The following CACNA1E variants were observed in gnomAD, a reference collection of about 807,000 sequenced individuals.
CACNA1E encodes calcium voltage-gated channel subunit alpha1 E, also known as voltage-dependent R-type calcium channel subunit alpha-1E.
Under a neutral mutation model 259.2 loss-of-function variants are expected in CACNA1E, and 40 were observed. That is an observed-to-expected ratio of 0.15 (90% CI 0.12 to 0.20). The LOEUF (loss-of-function observed/expected upper bound fraction) is 0.20, where lower values mean the gene tolerates loss of function less well. CACNA1E is among the 10% of genes least tolerant of loss of function. CACNA1E has a pLI of 1.00. For missense variants in CACNA1E, 1,874 were observed against 3,040.1 expected (o/e 0.62, Z 9.02); for synonymous variants, 1,104 against 1,138.5 (o/e 0.97, Z 0.61).
intron 37 of CACNA1E, among the ~76,000 whole-genome samples, chr1:181,775,279 C>A (rs547595777): frequency 6.6e-6 from 1 of 152,112 alleles, no homozygotes; most frequent in Admixed American, 6.5e-5. Context: ...CAGCCAAGAA[C>A]CTGGGCCAGA....
intron 2 of CACNA1E, among the ~76,000 whole-genome samples, chr1:181,416,408 C>T (rs1457895060): frequency 2.0e-5 from 3 of 152,232 alleles, no homozygotes; most frequent in Non-Finnish European, 2.9e-5. Context: ...GGCACAGTTT[C>T]AGCTTCAGCT....
intron 7 of CACNA1E, among the ~76,000 whole-genome samples, chr1:181,666,766 A>G (rs1648276861): frequency 6.6e-6 from 1 of 152,008 alleles, no homozygotes; most frequent in Non-Finnish European, 1.5e-5. Context: ...GTGTATATAT[A>G]TGAATTTACA....
chr1:181,618,124 G>T (rs1655394049), intron 6 of CACNA1E, among the ~76,000 whole-genome samples: 1 of 152,144 alleles, frequency 6.6e-6, no homozygotes, highest in Non-Finnish European at 1.5e-5. Context: ...ACTATGAATT[G>T]GCTGTATGTC....
rs752090024 is a variant in CACNA1E, at chr1:181,750,478, A to G, written c.3722A>G (p.Asn1241Ser). The G allele has an allele frequency of 6.2e-7, 1 of 1,613,324 alleles. No individual in the cohort carries two copies. The highest frequency in any genetic ancestry group is 8.5e-7 in the Non-Finnish European group (1 of 1,179,458). Reference protein sequence around the residue: ...VGALVAFALANALGTNKGRDI... With the variant: ...VGALVAFALASALGTNKGRDI... Reference sequence around the variant, plus strand: ...CTCTCTGATTGGATCCTCCATAGGAACGCTTTGGGGTAAATATGTTCGATT... The same window carrying G: ...CTCTCTGATTGGATCCTCCATAGGAGCGCTTTGGGGTAAATATGTTCGATT... The change falls in exon 26 of 48, where the codon AAC (asparagine) becomes AGC (serine). Residue 1241 changes from asparagine (N) to serine (S), a missense_variant and splice_region_variant. By Grantham distance (46) the Asn-to-Ser change is conservative. Around this residue, in one of 14 missense-constraint regions of CACNA1E, gnomAD observed 188 missense variants for 540.6 expected, o/e 0.35. Coordinates refer to ENST00000367573, the MANE Select transcript of CACNA1E (RefSeq NM_001205293.3).
At position 181,505,651 on chromosome 1, in the gene CACNA1E, G is replaced by A. The variant is rs545085342; in HGVS notation, c.267-4826G>A. ...GGCTTCTGAAAGTGCTGGGATTACA[G>A]GCGTGAGCCACCGCACCTGGCCTTC... On this transcript the variant is annotated intron_variant, in intron 1 of 47. Coordinates refer to ENST00000367573, the MANE Select transcript of CACNA1E (RefSeq NM_001205293.3). Among the ~76,000 whole-genome samples the A allele has an allele frequency of 4.6e-5, 7 of 152,080 alleles. No homozygotes were observed. In the East Asian group the frequency reaches 9.7e-4, roughly 21 times the overall value.
intron 2 of CACNA1E, among the ~76,000 whole-genome samples, chr1:181,428,340 G>T (rs1157672550): frequency 1.3e-5 from 2 of 152,174 alleles, no homozygotes; most frequent in Non-Finnish European, 2.9e-5. Flanking sequence ...CCCTCTCAAG[G>T]TCCTAATTAG....
chr1:181,785,677 G>A, intron 42 of CACNA1E, 36 bp from the exon 43 acceptor site: 2 of 1,384,034 alleles, frequency 1.4e-6, no homozygotes, highest in South Asian at 1.2e-5. Context: ...CGTAGTCATT[G>A]GAATTCTTTC....
In CACNA1E at chr1:181,663,258, AAC is replaced by A. The variant is rs1396983919; in HGVS notation, c.1055+11819_1055+11820del. Among the ~76,000 whole-genome samples, 5 of 152,184 alleles carry A rather than the reference AAC, an allele frequency of 3.3e-5. No individual in the cohort carries two copies. In the East Asian group the frequency reaches 9.6e-4, roughly 29 times the overall value. ...ATACATTATTTCAATTAATTTTTGTAACAGCCTTATGAGGCAGGTACTGCTGT... is the reference window on the plus strand; with the variant it reads ...ATACATTATTTCAATTAATTTTTGTAAGCCTTATGAGGCAGGTACTGCTGT... On this transcript the variant is annotated intron_variant, in intron 7 of 47. Transcript: ENST00000367573.
chr1:181,487,777 T>G (rs1354935696), intron 1 of CACNA1E, among the ~76,000 whole-genome samples: 1 of 152,152 alleles, frequency 6.6e-6, no homozygotes, highest in East Asian at 1.9e-4. Context: ...TGCCCCACAC[T>G]TGTTTGAACT....
At chr1:181,595,834 C>T (rs1391659941) in intron 6 of CACNA1E, among the ~76,000 whole-genome samples, 1 of 152,138 alleles carries the variant, frequency 6.6e-6, no homozygotes, top group Non-Finnish European at 1.5e-5. Context: ...TGCCACTTGG[C>T]GCTACTATAG....
At chr1:181,550,573 G>A (rs1215872363) in intron 3 of CACNA1E, among the ~76,000 whole-genome samples, 3 of 152,138 alleles carry the variant, frequency 2.0e-5, no homozygotes, top group Non-Finnish European at 2.9e-5. Flanking sequence ...GGGGCAGATT[G>A]GTTGAGACCA....
chr1:181,330,280 C>T (rs1285475146), intron 1 of CACNA1E, among the ~76,000 whole-genome samples: 2 of 152,168 alleles, frequency 1.3e-5, no homozygotes, highest in Non-Finnish European at 2.9e-5. Context: ...CCTGCTTCCT[C>T]TGGCTTTCAC....
chr1:181,713,323 A>G (rs1252008848), intron 8 of CACNA1E, among the ~76,000 whole-genome samples: 3 of 152,184 alleles, frequency 2.0e-5, no homozygotes, highest in Non-Finnish European at 4.4e-5. Flanking sequence ...TATTTTAACA[A>G]GTTCCTAATT....
At chr1:181,362,414 G>A (rs1653950622) in intron 1 of CACNA1E, among the ~76,000 whole-genome samples, 1 of 152,224 alleles carries the variant, frequency 6.6e-6, no homozygotes. Flanking sequence ...TTCCCACGTG[G>A]ATACAGGCTT....
chr1:181,530,217 T>C (rs1032526878), intron 3 of CACNA1E, among the ~76,000 whole-genome samples: 7 of 152,194 alleles, frequency 4.6e-5, no homozygotes, highest in Non-Finnish European at 1.0e-4. Flanking sequence ...GCCGCCGCCA[T>C]GTTAAGAAGT....
intron 3 of CACNA1E, among the ~76,000 whole-genome samples, chr1:181,559,188 G>T (rs1164529327): frequency 6.6e-6 from 1 of 152,236 alleles, no homozygotes; most frequent in Admixed American, 6.5e-5. Context: ...GTTACTGCAA[G>T]TGTAATGAGA....
chr1:181,785,590 G>A, intron 42 of CACNA1E, 123 bp from the exon 43 acceptor site: 1 of 897,842 alleles, frequency 1.1e-6, no homozygotes, highest in Non-Finnish European at 1.9e-6. Flanking sequence ...GTGGATCGAA[G>A]GTTAAAATGG....
intron 1 of CACNA1E, among the ~76,000 whole-genome samples, chr1:181,390,113 C>T (rs537545102): frequency 3.9e-5 from 6 of 152,250 alleles, no homozygotes; most frequent in East Asian, 1.9e-4. Context: ...TTCTTCGTGA[C>T]GGTGCCCCTG....
At chr1:181,723,923 G>A (rs750853522) in intron 16 of CACNA1E, among the ~76,000 whole-genome samples, 4 of 152,114 alleles carry the variant, frequency 2.6e-5, no homozygotes, top group Admixed American at 6.5e-5. Context: ...GATTGTTATG[G>A]AGTCTTCATT....
Sources: allele counts gnomAD v4.1 joint callset (sites outside exome capture counted in the v4.1 genomes callset), GRCh38; gene constraint gnomAD v4.1.1; regional missense constraint gnomAD v4.1.1; transcripts MANE v1.5; gene names NCBI Gene and HGNC (gene_info 2026-07-23, HGNC 2026-07-21).